Variants in NT5DC1 observed in about 807,000 individuals in gnomAD.
The protein encoded by NT5DC1 is 5'-nucleotidase domain containing 1.
NT5DC1 carries 42 observed loss-of-function variants against 59.4 expected under a neutral mutation model. That is an observed-to-expected ratio of 0.71 (90% CI 0.55 to 0.92). The LOEUF (loss-of-function observed/expected upper bound fraction) is 0.92, where lower values mean the gene tolerates loss of function less well. Among genes scored for constraint, NT5DC1 ranks in the 40% least tolerant of loss-of-function variants. The probability of loss-of-function intolerance (pLI) is 0.00; values close to 1 mark genes in which losing one functional copy is unlikely to be tolerated. For missense variants in NT5DC1, 501 were observed against 537.1 expected (o/e 0.93, Z 0.66); for synonymous variants, 172 against 188.1 (o/e 0.91, Z 0.70).
intron 6 of NT5DC1, among the ~76,000 whole-genome samples, chr6:116,207,466 AT>A (rs544696646): frequency 2.6e-5 from 4 of 151,840 alleles, no homozygotes; most frequent in South Asian, 2.1e-4. Flanking sequence ...TATTTTTCAG[AT>A]TTTTTTTCAT....
intron 6 of NT5DC1, among the ~76,000 whole-genome samples, chr6:116,139,859 T>A (rs1562134738): frequency 1.3e-5 from 2 of 152,160 alleles, no homozygotes; most frequent in Non-Finnish European, 2.9e-5. Flanking sequence ...AGCACTTGAG[T>A]CTTCTGTCCC....
chr6:116,106,964 G>T (rs904224669), intron 2 of NT5DC1, among the ~76,000 whole-genome samples: 2 of 152,106 alleles, frequency 1.3e-5, no homozygotes, highest in Non-Finnish European at 2.9e-5. Context: ...GCTGAGGTGG[G>T]CAGATTGCTT....
chr6:116,125,032 A>T (rs954300760), intron 6 of NT5DC1, among the ~76,000 whole-genome samples: 1 of 152,226 alleles, frequency 6.6e-6, no homozygotes, highest in Non-Finnish European at 1.5e-5. Context: ...TGATTAGATC[A>T]AGATTTCTGG....
At chr6:116,176,644 T>C (rs1780740079) in intron 6 of NT5DC1, among the ~76,000 whole-genome samples, 1 of 151,866 alleles carries the variant, frequency 6.6e-6, no homozygotes. Context: ...CATAATAGAG[T>C]TTTTCTTCCA....
At chr6:116,120,734 C>A (rs780295210) in intron 6 of NT5DC1, 1 of 1,590,184 alleles carries the variant, frequency 6.3e-7, no homozygotes, top group Admixed American at 1.8e-5. Flanking sequence ...CCCAGGGAAT[C>A]CTGGAATGCC....
intron 4 of NT5DC1, 69 bp from the exon 5 acceptor site, chr6:116,115,622 A>G (rs1778948427): frequency 1.3e-6 from 1 of 768,032 alleles, no homozygotes; most frequent in East Asian, 2.6e-5. Context: ...CTCTTCAGCC[A>G]TATTCCTGTG....
At chr6:116,241,939 C>CAAAAAAAAAAAAAAAAAAAAAAAA (rs1280732737) in intron 11 of NT5DC1, among the ~76,000 whole-genome samples, 1 of 12,030 alleles carries the variant, frequency 8.3e-5, no homozygotes, top group African/African-American at 3.0e-4. Context: ...AAAAAAAAAA[C>CAAAAAAAAAAAAAAAAAAAAAAAA]AAAACAAAAA....
intron 6 of NT5DC1, among the ~76,000 whole-genome samples, chr6:116,157,011 C>T (rs1780211337): frequency 6.6e-6 from 1 of 152,082 alleles, no homozygotes; most frequent in Admixed American, 6.6e-5. Flanking sequence ...ATTTTTTTCT[C>T]TTTGCCTAAG....
At chr6:116,161,257 G>A (rs1780323638) in intron 6 of NT5DC1, among the ~76,000 whole-genome samples, 1 of 150,534 alleles carries the variant, frequency 6.6e-6, no homozygotes, top group Non-Finnish European at 1.5e-5. Context: ...CGAGTTAGTG[G>A]GTACAGTGCA....
intron 6 of NT5DC1, among the ~76,000 whole-genome samples, chr6:116,207,064 G>A (rs768645212): frequency 2.0e-5 from 3 of 151,772 alleles, no homozygotes; most frequent in Non-Finnish European, 4.4e-5. Flanking sequence ...TTTTTCCTAG[G>A]TCAAAAGAAT....
At chr6:116,231,481 A>G (rs188728482) in intron 8 of NT5DC1, among the ~76,000 whole-genome samples, 101 of 152,362 alleles carry the variant, frequency 6.6e-4, no homozygotes, top group African/African-American at 2.4e-3. Context: ...CAAGTCAGAG[A>G]TTGCCACCAG....
At chr6:116,174,002 ACG>A in intron 6 of NT5DC1, among the ~76,000 whole-genome samples, 1 of 152,178 alleles carries the variant, frequency 6.6e-6, no homozygotes, top group Non-Finnish European at 1.5e-5. Flanking sequence ...AGTGCTAGCC[ACG>A]TATTTTATAA....
intron 6 of NT5DC1, among the ~76,000 whole-genome samples, chr6:116,218,218 A>G (rs1781723079): frequency 6.6e-6 from 1 of 152,174 alleles, no homozygotes; most frequent in Admixed American, 6.5e-5. Context: ...AAAATATTGT[A>G]TTTAAATGCG....
chr6:116,108,798 A>G (rs943381104), intron 3 of NT5DC1, among the ~76,000 whole-genome samples: 3 of 152,188 alleles, frequency 2.0e-5, no homozygotes, highest in Non-Finnish European at 2.9e-5. Context: ...TCTTTTTGTT[A>G]AGAAAGAAAG....
intron 6 of NT5DC1, among the ~76,000 whole-genome samples, chr6:116,131,792 A>T (rs557332714): frequency 5.1e-4 from 78 of 152,178 alleles, no homozygotes; most frequent in Non-Finnish European, 9.3e-4. Context: ...CCTAGTATCC[A>T]TTAGTTATTT....
intron 6 of NT5DC1, among the ~76,000 whole-genome samples, chr6:116,175,805 T>G (rs1780721970): frequency 6.6e-6 from 1 of 152,210 alleles, no homozygotes; most frequent in Non-Finnish European, 1.5e-5. Flanking sequence ...TATCTACCCA[T>G]TAATGTTGTT....
At chr6:116,115,168 A>T (rs1261039766) in intron 4 of NT5DC1, among the ~76,000 whole-genome samples, 1 of 152,208 alleles carries the variant, frequency 6.6e-6, no homozygotes, top group African/African-American at 2.4e-5. Context: ...TTTTAAGCAC[A>T]CTGTGTCTTC....
chr6:116,246,360 T>C lies in NT5DC1; in HGVS notation c.*2336T>C, dbSNP rs527462389. 6.6e-6 allele frequency: 1 copy of C among 152,146 alleles called. No individual in the cohort carries two copies. The highest frequency in any genetic ancestry group is 1.9e-4 in the East Asian group (1 of 5,174). The allele number at this position is 152,146 out of a possible 1,614,324, so 9.4% of individuals were successfully genotyped here. A position where few individuals can be genotyped will look rare whatever the true frequency, so the allele number is the denominator to read the frequency against. ...GAATACTGAGGTAGTAAAAACTTTA[T>C]CTGAACCATGAATTACAATCTAAAA... On this transcript the variant is annotated 3_prime_UTR_variant, in exon 12 of 12. Transcript: ENST00000319550.
intron 6 of NT5DC1, 40 bp from the exon 7 acceptor site, chr6:116,221,014 G>T (rs763698175): frequency 4.1e-6 from 4 of 976,886 alleles, no homozygotes; most frequent in Non-Finnish European, 3.1e-6. Context: ...GTCAAAAAAT[G>T]TTTAAAAAGA....
Sources: gnomAD v4.1 joint callset for allele counts (sites outside exome capture counted in the v4.1 genomes callset) on GRCh38, gnomAD v4.1.1 for gene constraint, MANE v1.5 for transcripts, NCBI Gene and HGNC (gene_info 2026-07-23, HGNC 2026-07-21) for gene names.